The following LRFN4 variants were observed in gnomAD, a reference collection of about 807,000 sequenced individuals.
LRFN4 encodes the protein leucine-rich repeat and fibronectin type-III domain-containing protein 4.
In LRFN4, 10 loss-of-function variants were observed where a neutral mutation model predicts 29.0. That is an observed-to-expected ratio of 0.35 (90% CI 0.21 to 0.59). The LOEUF (loss-of-function observed/expected upper bound fraction) is 0.59. Ranked by LOEUF, LRFN4 falls within the 20% of genes least tolerant of loss-of-function variation. The probability of loss-of-function intolerance (pLI) is 0.82; values close to 1 mark genes in which losing one functional copy is unlikely to be tolerated. For missense variants in LRFN4, 850 were observed against 907.9 expected (o/e 0.94, Z 0.82); for synonymous variants, 493 against 437.0 (o/e 1.13, Z -1.60).
At position 66,859,919 on chromosome 11, in the gene LRFN4, C is replaced by T. The variant is rs143113069; in HGVS notation, c.1632C>T (p.Ala544=). 321 of 1,583,820 alleles carry T rather than the reference C, an allele frequency of 2.0e-4. No individual in the cohort carries two copies. The African/African-American group carries it at 3.6e-3, about 18-fold the overall frequency. The stretch of plus-strand genomic sequence containing the variant: ...CCTTGCTGGTTCGGGGCCGGGGGGC[C>T]GGAAATGGCCGCCTCCCCCTCAAGC... ...TVALLVRGRG[A]GNGRLPLKLS... The change falls in exon 2 of 2, where the codon GCC becomes GCT. Residue 544 remains alanine, a synonymous_variant. Transcript: ENST00000309602.
rs1486330907 is a variant in LRFN4, at chr11:66,859,798, C to G, written c.1511C>G (p.Pro504Arg). The change falls in exon 2 of 2, where the codon CCC (proline) becomes CGC (arginine). Residue 504 changes from proline to arginine, a missense_variant. Physicochemically the swap from Pro to Arg is moderately radical, Grantham distance 103 (BLOSUM62 -2). This residue lies in a region of LRFN4 where 744 missense variants were observed against 753.8 expected (regional missense o/e 0.99). Transcript: ENST00000309602. ...CATTTCTCCACGCTGCCGGCCTCGC[C>G]CCTGTGCCACGCCCTGCAGGCCCAC... ...CAHFSTLPASPLCHALQAHVL... is the reference protein window; with the variant it reads ...CAHFSTLPASRLCHALQAHVL... 6.3e-7 allele frequency: 1 copy of G among 1,594,146 alleles called. No homozygotes were observed. Among genetic ancestry groups the G allele is most frequent in the Non-Finnish European group, 8.5e-7 (1 of 1,170,322 alleles).
chr11:66,857,961 G>A lies in LRFN4; in HGVS notation c.217G>A (p.Gly73Arg). The stretch of plus-strand genomic sequence containing the variant: ...GCCCCCTGACTTCCGCAACATGACG[G>A]GACTGGTGGACCTGACACTGTCTCG... ...LGPPDFRNMT[G>R]LVDLTLSRNA... Residue 73 changes from glycine (G) to arginine (R), a missense_variant, in exon 1 of 2, where the codon GGA (glycine) becomes AGA (arginine). By Grantham distance (125) the Gly-to-Arg change is moderately radical. Coordinates refer to ENST00000309602, the MANE Select transcript of LRFN4 (RefSeq NM_024036.5). This position sits in a 1 kb window ranked among gnomAD's most constrained non-coding sequence, Gnocchi z 7.1. 1 of 1,612,536 alleles carries A rather than the reference G, an allele frequency of 6.2e-7. No individual in the cohort carries two copies. Among genetic ancestry groups the A allele is most frequent in the Non-Finnish European group, 8.5e-7 (1 of 1,179,940 alleles).
intron 1 of LRFN4, among the ~76,000 whole-genome samples, chr11:66,859,304 C>A (rs1036532081): frequency 2.0e-5 from 3 of 152,178 alleles, no homozygotes; most frequent in African/African-American, 7.2e-5. Flanking sequence ...GACCCCACCC[C>A]GAGATGTCCC....
Position 66,858,840 on chromosome 11 carries a change from C to G in LRFN4, c.1096C>G (p.Leu366Val). The change falls in exon 1 of 2, where the codon CTG becomes GTG. Residue 366 changes from leucine (L) to valine (V), a missense_variant. Around this residue, in one of 2 missense-constraint regions of LRFN4, gnomAD observed 744 missense variants for 753.8 expected, o/e 0.99. Transcript: ENST00000309602. The surrounding 1 kb of genome is among the most constrained non-coding windows in gnomAD (Gnocchi z 5.9). ...TGGTGAGGCCACAGCCCGAGTAGAACTGCGGGTGCTGGCCTTGCCCCATGG... is the reference window on the plus strand; with the variant it reads ...TGGTGAGGCCACAGCCCGAGTAGAAGTGCGGGTGCTGGCCTTGCCCCATGG... Reference protein sequence around the residue: ...PAGEATARVELRVLALPHGGN... With the variant: ...PAGEATARVEVRVLALPHGGN... 1 of 1,551,784 alleles carries G rather than the reference C, an allele frequency of 6.4e-7. No individual in the cohort carries two copies. Among genetic ancestry groups the G allele is most frequent in the Non-Finnish European group, 8.7e-7 (1 of 1,149,136 alleles).
rs1273136917 is a variant in LRFN4, at chr11:66,858,052, T to C, written c.308T>C (p.Leu103Pro). The C allele has an allele frequency of 6.2e-7, 1 of 1,610,482 alleles. No individual in the cohort carries two copies. The highest frequency in any genetic ancestry group is 8.5e-7 in the Non-Finnish European group (1 of 1,178,952). Reference sequence around the variant, plus strand: ...CTCGAGAGCCTGCGTTCCCTCCACCTTGACGGCAACAGGCTGGTGGAGCTG... The same window carrying C: ...CTCGAGAGCCTGCGTTCCCTCCACCCTGACGGCAACAGGCTGGTGGAGCTG... ...GDLESLRSLHLDGNRLVELGT... is the reference protein window; with the variant it reads ...GDLESLRSLHPDGNRLVELGT... Residue 103 changes from leucine (L) to proline (P), a missense_variant, in exon 1 of 2, where the codon CTT becomes CCT. Coordinates refer to ENST00000309602, the MANE Select transcript of LRFN4 (RefSeq NM_024036.5). This position sits in a 1 kb window ranked among gnomAD's most constrained non-coding sequence, Gnocchi z 5.9.
rs767705638 is a variant in LRFN4 at position 66,860,466 on chromosome 11, G to A, written c.*271G>A. ...TTTTTATTTATAATAAAATTGTTGG[G>A]GACACCTCAGTGCTAGTCTCTGGTG... On this transcript the variant is annotated 3_prime_UTR_variant, in exon 2 of 2. Coordinates refer to ENST00000309602, the MANE Select transcript of LRFN4 (RefSeq NM_024036.5). 4.8e-5 allele frequency: 34 copies of A among 703,434 alleles called. No homozygotes were observed. The highest frequency in any genetic ancestry group is 4.4e-4 in the South Asian group (30 of 67,614). 43.6% of individuals were successfully genotyped at this position (703,434 alleles called of 1,614,324 possible). A position where few individuals can be genotyped will look rare whatever the true frequency, so the allele number is the denominator to read the frequency against.
chr11:66,860,123 T>TGG lies in LRFN4; in HGVS notation c.1841_1842dup (p.Leu615GlyfsTer10). ...GGGCCCGACGGAGCCACTCTGTGCA[T>TGG]GGGGGGCTGCTCGGGGCAGGGTGCC... is the stretch of plus-strand genomic sequence containing the variant. On this transcript the variant is annotated frameshift_variant, in exon 2 of 2. Transcript: ENST00000309602. LOFTEE classifies it high-confidence loss of function. 6.4e-7 allele frequency: 1 copy of TGG among 1,550,512 alleles called. No individual in the cohort carries two copies. Among genetic ancestry groups the TGG allele is most frequent in the Non-Finnish European group, 8.7e-7 (1 of 1,147,548 alleles).
At position 66,860,270 on chromosome 11, in the gene LRFN4, G is replaced by A; in HGVS notation, c.*75G>A. ...AGGGCCCGGGGCCGCCGCCTGGCCT[G>A]GGAGTCCCTCCCTGGTTTTTATTCT... On this transcript the variant is annotated 3_prime_UTR_variant, in exon 2 of 2. Transcript: ENST00000309602. 2 of 1,525,574 alleles carry A rather than the reference G, an allele frequency of 1.3e-6. No individual in the cohort carries two copies. Among genetic ancestry groups the A allele is most frequent in the South Asian group, 2.4e-5 (2 of 83,870 alleles). The allele number at this position is 1,525,574 out of a possible 1,614,324, so 94.5% of individuals were successfully genotyped here. A position where few individuals can be genotyped will look rare whatever the true frequency, so the allele number is the denominator to read the frequency against.
rs1206615884 is a variant in LRFN4, at chr11:66,859,878, C to T, written c.1591C>T (p.Leu531=). Residue 531 remains leucine (L), a synonymous_variant, in exon 2 of 2, where the codon CTG becomes TTG. Transcript: ENST00000309602. The part of the protein sequence containing the change: ...AVGGVLVAAL[L]VFTVALLVRG... ...GGGGGGTGTGCTGGTGGCTGCCTTA[C>T]TGGTCTTCACTGTGGCCTTGCTGGT... 3.8e-6 allele frequency: 6 copies of T among 1,564,182 alleles called. No individual in the cohort carries two copies. The highest frequency in any genetic ancestry group is 5.2e-6 in the Non-Finnish European group (6 of 1,155,752).
Position 66,858,306 on chromosome 11 carries a change from G to T in LRFN4, c.562G>T (p.Ala188Ser), listed in dbSNP as rs780855988. Reference sequence around the variant, plus strand: ...CCTTATTGACGCACTGCCCCCAGGCGCCTTCGCCCAGCTCGGTCAGCTCTC... The same window carrying T: ...CCTTATTGACGCACTGCCCCCAGGCTCCTTCGCCCAGCTCGGTCAGCTCTC... Reference protein sequence around the residue: ...HNLIDALPPGAFAQLGQLSRL... With the variant: ...HNLIDALPPGSFAQLGQLSRL... Residue 188 changes from alanine to serine, a missense_variant, in exon 1 of 2, where the codon GCC becomes TCC. Around this residue, in one of 2 missense-constraint regions of LRFN4, gnomAD observed 744 missense variants for 753.8 expected, o/e 0.99. Coordinates refer to ENST00000309602, the MANE Select transcript of LRFN4 (RefSeq NM_024036.5). The surrounding 1 kb of genome is among the most constrained non-coding windows in gnomAD (Gnocchi z 5.9). The T allele has an allele frequency of 6.2e-7, 1 of 1,610,264 alleles. No homozygotes were observed.
rs141635532 is a variant in LRFN4 at position 66,858,150 on chromosome 11, G to A, written c.406G>A (p.Ala136Thr). Reference protein sequence around the residue: ...ILSGNQLGRIAPGAFDDFLES... With the variant: ...ILSGNQLGRITPGAFDDFLES... Reference sequence around the variant, plus strand: ...CAGCGGCAACCAGCTGGGCCGCATCGCGCCGGGAGCCTTCGACGACTTCCT... The same window carrying A: ...CAGCGGCAACCAGCTGGGCCGCATCACGCCGGGAGCCTTCGACGACTTCCT... The change falls in exon 1 of 2, where the codon GCG becomes ACG. Residue 136 changes from alanine (A) to threonine (T), a missense_variant. Physicochemically the swap from Ala to Thr is moderately conservative, Grantham distance 58. Transcript: ENST00000309602. This position sits in a 1 kb window ranked among gnomAD's most constrained non-coding sequence, Gnocchi z 5.9. 4 of 1,610,564 alleles carry A rather than the reference G, an allele frequency of 2.5e-6. No homozygotes were observed. The highest frequency in any genetic ancestry group is 2.5e-6 in the Non-Finnish European group (3 of 1,178,674).
Position 66,857,892 on chromosome 11 carries a change from A to G in LRFN4, c.148A>G (p.Thr50Ala). ...TGTGCCGCCCAACGTGGACCGGCGC[A>G]CAGTGGAGCTGCGGCTGGCTGACAA... is the stretch of plus-strand genomic sequence containing the variant. The part of the protein sequence containing the change: ...LFVPPNVDRR[T>A]VELRLADNFI... Residue 50 changes from threonine to alanine, a missense_variant, in exon 1 of 2, where the codon ACA becomes GCA. Transcript: ENST00000309602. The surrounding 1 kb of genome is among the most constrained non-coding windows in gnomAD (Gnocchi z 7.1). 6.2e-7 allele frequency: 1 copy of G among 1,611,498 alleles called. No individual in the cohort carries two copies. The highest frequency in any genetic ancestry group is 8.5e-7 in the Non-Finnish European group (1 of 1,179,814).
In LRFN4 at chr11:66,857,070, G is replaced by A. The variant is rs1447750606; in HGVS notation, c.-675G>A. 2 of 146,968 alleles carry A rather than the reference G, an allele frequency of 1.4e-5. No individual in the cohort carries two copies. Among genetic ancestry groups the A allele is most frequent in the Non-Finnish European group, 3.0e-5 (2 of 66,004 alleles). 9.1% of individuals were successfully genotyped at this position (146,968 alleles called of 1,614,324 possible). A position where few individuals can be genotyped will look rare whatever the true frequency, so the allele number is the denominator to read the frequency against. Reference sequence around the variant, plus strand: ...GTCCGCGGCGCGCGCGCCCGCCGGCGCGCACCCGCTCGCCTGTCGCCGCCG... The same window carrying A: ...GTCCGCGGCGCGCGCGCCCGCCGGCACGCACCCGCTCGCCTGTCGCCGCCG... On this transcript the variant is annotated 5_prime_UTR_variant, in exon 1 of 2. Transcript: ENST00000309602. This position sits in a 1 kb window ranked among gnomAD's most constrained non-coding sequence, Gnocchi z 7.1.
rs1188579720 is a variant in LRFN4 at position 66,858,830 on chromosome 11, C to T, written c.1086C>T (p.Ala362=). 3 of 1,550,620 alleles carry T rather than the reference C, an allele frequency of 1.9e-6. No individual in the cohort carries two copies. Among genetic ancestry groups the T allele is most frequent in the African/African-American group, 1.4e-5 (1 of 73,288 alleles). ...IATNPAGEAT[A]RVELRVLALP... ...CCAACCCTGCTGGTGAGGCCACAGC[C>T]CGAGTAGAACTGCGGGTGCTGGCCT... is the stretch of plus-strand genomic sequence containing the variant. The change falls in exon 1 of 2, where the codon GCC becomes GCT. Residue 362 remains alanine, a synonymous_variant. Coordinates refer to ENST00000309602, the MANE Select transcript of LRFN4 (RefSeq NM_024036.5). The surrounding 1 kb of genome is among the most constrained non-coding windows in gnomAD (Gnocchi z 5.9).
chr11:66,858,569 G>A lies in LRFN4; in HGVS notation c.825G>A (p.Glu275=), dbSNP rs1398445937. The change falls in exon 1 of 2, where the codon GAG becomes GAA. Residue 275 remains glutamate (E), a synonymous_variant. Transcript: ENST00000309602. The surrounding 1 kb of genome is among the most constrained non-coding windows in gnomAD (Gnocchi z 5.9). ...ACTTCTGGGCAGTGCCCGAGGGCGA[G>A]TTCTCCTGTGAGCCGCCCCTCATTG... ...GRYFWAVPEG[E]FSCEPPLIAR... 3.3e-6 allele frequency: 5 copies of A among 1,533,096 alleles called. No individual in the cohort carries two copies. Among genetic ancestry groups the A allele is most frequent in the Admixed American group, 2.0e-5 (1 of 50,832 alleles). The allele number at this position is 1,533,096 out of a possible 1,614,324, so 95.0% of individuals were successfully genotyped here.
chr11:66,859,814 G>A lies in LRFN4; in HGVS notation c.1527G>A (p.Leu509=), dbSNP rs746109611. The A allele has an allele frequency of 3.2e-6, 5 of 1,585,100 alleles. No individual in the cohort carries two copies. Among genetic ancestry groups the A allele is most frequent in the Non-Finnish European group, 3.4e-6 (4 of 1,165,390 alleles). Residue 509 remains leucine, a synonymous_variant, in exon 2 of 2, where the codon CTG becomes CTA. Coordinates refer to ENST00000309602, the MANE Select transcript of LRFN4 (RefSeq NM_024036.5). ...TLPASPLCHA[L]QAHVLGGTLT... is the part of the protein sequence containing the mutation. ...CGGCCTCGCCCCTGTGCCACGCCCT[G>A]CAGGCCCACGTGCTGGGCGGGACCC...
chr11:66,857,426 T>C lies in LRFN4; in HGVS notation c.-319T>C. 3.2e-6 allele frequency: 1 copy of C among 308,462 alleles called. No individual in the cohort carries two copies. The highest frequency in any genetic ancestry group is 5.9e-6 in the Non-Finnish European group (1 of 168,084). 19.1% of individuals were successfully genotyped at this position (308,462 alleles called of 1,614,324 possible). On this transcript the variant is annotated 5_prime_UTR_variant, in exon 1 of 2. Coordinates refer to ENST00000309602, the MANE Select transcript of LRFN4 (RefSeq NM_024036.5). This position sits in a 1 kb window ranked among gnomAD's most constrained non-coding sequence, Gnocchi z 7.1. ...GAGTGGGGAGGCGGCTGGCGATTCC[T>C]GGGGACGCCTGGGAAAGGAAGTTCC...
chr11:66,860,348 G>A lies in LRFN4; in HGVS notation c.*153G>A, dbSNP rs2135882790. ...GGAGGGGCAGGGAGCCCTTTCCTCGGTTCTGGCCTCCAGACCAGGGTAAGG... is the reference window on the plus strand; with the variant it reads ...GGAGGGGCAGGGAGCCCTTTCCTCGATTCTGGCCTCCAGACCAGGGTAAGG... On this transcript the variant is annotated 3_prime_UTR_variant, in exon 2 of 2. Transcript: ENST00000309602. The A allele has an allele frequency of 3.4e-6, 4 of 1,178,096 alleles. No homozygotes were observed. In the East Asian group the frequency reaches 1.0e-4, roughly 30 times the overall value. 73.0% of individuals were successfully genotyped at this position (1,178,096 alleles called of 1,614,324 possible). A position where few individuals can be genotyped will look rare whatever the true frequency, so the allele number is the denominator to read the frequency against.
chr11:66,858,541 G>A lies in LRFN4; in HGVS notation c.797G>A (p.Arg266His), dbSNP rs138224455. The change falls in exon 1 of 2, where the codon CGC becomes CAC. Residue 266 changes from arginine (R) to histidine (H), a missense_variant. Arg to His is a conservative substitution (Grantham distance 29). Transcript: ENST00000309602. The surrounding 1 kb of genome is among the most constrained non-coding windows in gnomAD (Gnocchi z 5.9). ...GCCTCCCCGCCCGGCCTGGCCGGCC[G>A]CTACTTCTGGGCAGTGCCCGAGGGC... Reference protein sequence around the residue: ...TCASPPGLAGRYFWAVPEGEF... With the variant: ...TCASPPGLAGHYFWAVPEGEF... 1.8e-5 allele frequency: 27 copies of A among 1,533,738 alleles called. No homozygotes were observed. Among genetic ancestry groups the A allele is most frequent in the East Asian group, 9.8e-5 (4 of 40,852 alleles).
Sources: gnomAD v4.1 joint callset for allele counts (sites outside exome capture counted in the v4.1 genomes callset) on GRCh38, gnomAD v4.1.1 for gene constraint, gnomAD v4.1.1 regional missense constraint, Gnocchi (gnomAD v3.1) non-coding constraint, MANE v1.5 for transcripts, NCBI Gene and HGNC (gene_info 2026-07-23, HGNC 2026-07-21) for gene names.